PKDREJ: variants seen among roughly 807,000 people sequenced by gnomAD.
The protein encoded by PKDREJ is PKD and REJ homolog.
For missense variants in PKDREJ, 2,507 were observed against 2,807.2 expected, an observed-to-expected ratio of 0.89 and a Z score of 2.42; for synonymous variants, 1,031 against 1,095.5, an observed-to-expected ratio of 0.94 and a Z score of 1.16.
rs533680990 is a variant in PKDREJ, at chr22:46,256,455, A to G, written c.*106T>C. The G allele has an allele frequency of 2.5e-5, 37 of 1,505,430 alleles. 1 individual carries two copies. The South Asian group carries it at 4.8e-4, about 20-fold the overall frequency. The allele number at this position is 1,505,430 out of a possible 1,614,324, so 93.3% of individuals were successfully genotyped here. A position where few individuals can be genotyped will look rare whatever the true frequency, so the allele number is the denominator to read the frequency against. On this transcript the variant is annotated 3_prime_UTR_variant, in exon 1 of 1. Coordinates refer to ENST00000253255, the MANE Select transcript of PKDREJ (RefSeq NM_006071.2). This position sits in a 1 kb window ranked among gnomAD's most constrained non-coding sequence, Gnocchi z 5.3. ...GTAGGGGATGTGCCTTGTGAAGGAC[A>G]TGAGTAGAAAGCATGACTAGGCCAC...
In PKDREJ at chr22:46,261,905, G is replaced by T; in HGVS notation, c.1418C>A (p.Ser473Tyr). The change falls in exon 1 of 1, where the codon TCT becomes TAT. Residue 473 changes from serine to tyrosine, a missense_variant. Physicochemically the swap from Ser to Tyr is moderately radical, Grantham distance 144. Transcript: ENST00000253255. This position sits in a 1 kb window ranked among gnomAD's most constrained non-coding sequence, Gnocchi z 7.1. ...ATTTAGGAACAAAGAAAATCTATCA[G>T]AGACAATGAAGTTTCTCTCACAATT... ...IENCERNFIV[S>Y]DRFSLFLNCT... is the part of the protein sequence containing the mutation. 1 of 1,614,126 alleles carries T rather than the reference G, an allele frequency of 6.2e-7. No homozygotes were observed. Among genetic ancestry groups the T allele is most frequent in the Non-Finnish European group, 8.5e-7 (1 of 1,180,036 alleles).
In PKDREJ at chr22:46,261,123, G is replaced by T. The variant is rs201869858; in HGVS notation, c.2200C>A (p.Arg734=). The T allele has an allele frequency of 6.2e-7, 1 of 1,613,954 alleles. No homozygotes were observed. Among genetic ancestry groups the T allele is most frequent in the African/African-American group, 1.3e-5 (1 of 74,902 alleles). ...LPLRDDRVNL[R]KHLIDQSFLL... is the part of the protein sequence containing the mutation. ...AAAGACTGATCGATGAGGTGTTTTC[G>T]GAGATTGACTCTGTCATCTCGGAGA... Residue 734 remains arginine (R), a synonymous_variant, in exon 1 of 1, where the codon CGA becomes AGA. Coordinates refer to ENST00000253255, the MANE Select transcript of PKDREJ (RefSeq NM_006071.2). The surrounding 1 kb of genome is among the most constrained non-coding windows in gnomAD (Gnocchi z 7.1).
chr22:46,261,136 G>C lies in PKDREJ; in HGVS notation c.2187C>G (p.Asp729Glu). 5 of 1,613,756 alleles carry C rather than the reference G, an allele frequency of 3.1e-6. No homozygotes were observed. The highest frequency in any genetic ancestry group is 4.2e-6 in the Non-Finnish European group (5 of 1,179,664). ...TGAGGTGTTTTCGGAGATTGACTCT[G>C]TCATCTCGGAGAGGTAATTCAGTTT... ...NMKTELPLRD[D>E]RVNLRKHLID... The change falls in exon 1 of 1, where the codon GAC (aspartate) becomes GAG (glutamate). Residue 729 changes from aspartate (D) to glutamate (E), a missense_variant. By Grantham distance (45) the Asp-to-Glu change is conservative. Coordinates refer to ENST00000253255, the MANE Select transcript of PKDREJ (RefSeq NM_006071.2). This position sits in a 1 kb window ranked among gnomAD's most constrained non-coding sequence, Gnocchi z 7.1.
In PKDREJ at chr22:46,262,246, G is replaced by A. The variant is rs1402540915; in HGVS notation, c.1077C>T (p.Ser359=). The part of the protein sequence containing the change: ...NFTEQLILDG[S]TSSDPDADSP... ...TGTCCGCATCTGGGTCCGAGGACGT[G>A]GACCCGTCCAGAATCAGCTGCTCTG... The change falls in exon 1 of 1, where the codon TCC becomes TCT. Residue 359 remains serine, a synonymous_variant. Transcript: ENST00000253255. The surrounding 1 kb of genome is among the most constrained non-coding windows in gnomAD (Gnocchi z 8.1). The A allele has an allele frequency of 2.5e-6, 4 of 1,614,186 alleles. No homozygotes were observed. The Admixed American group carries it at 6.7e-5, about 27-fold the overall frequency.
At position 46,258,211 on chromosome 22, in the gene PKDREJ, C is replaced by T. The variant is rs574259894; in HGVS notation, c.5112G>A (p.Lys1704=). 7 of 1,614,130 alleles carry T rather than the reference C, an allele frequency of 4.3e-6. No individual in the cohort carries two copies. The highest frequency in any genetic ancestry group is 4.0e-5 in the African/African-American group (3 of 75,064). Reference sequence around the variant, plus strand: ...AACTCAGAAACAGGAGTGCTCTTCTCTTGATCCTCTTCTTTCTTTTGAATA... The same window carrying T: ...AACTCAGAAACAGGAGTGCTCTTCTTTTGATCCTCTTCTTTCTTTTGAATA... ...IRIFKRKKRI[K]RRALLFLSYI... is the part of the protein sequence containing the mutation. Residue 1704 remains lysine (K), a synonymous_variant, in exon 1 of 1, where the codon AAG becomes AAA. Transcript: ENST00000253255. The surrounding 1 kb of genome is among the most constrained non-coding windows in gnomAD (Gnocchi z 6.1).
Position 46,263,201 on chromosome 22 carries a change from A to G in PKDREJ, c.122T>C (p.Leu41Pro). Residue 41 changes from leucine (L) to proline (P), a missense_variant, in exon 1 of 1, where the codon CTC (leucine) becomes CCC (proline). Transcript: ENST00000253255. This position sits in a 1 kb window ranked among gnomAD's most constrained non-coding sequence, Gnocchi z 9.4. ...QAAVSGAPGG[L>P]LRGAPGLGVR... ...CCCGAGGCCCGGGGCGCCCCTGAGG[A>G]GGCCACCGGGCGCCCCGGAGACGGC... 6 of 1,333,236 alleles carry G rather than the reference A, an allele frequency of 4.5e-6. No homozygotes were observed. Among genetic ancestry groups the G allele is most frequent in the Admixed American group, 3.4e-5 (1 of 29,070 alleles). 82.6% of individuals were successfully genotyped at this position (1,333,236 alleles called of 1,614,324 possible).
At position 46,261,485 on chromosome 22, in the gene PKDREJ, T is replaced by C; in HGVS notation, c.1838A>G (p.Lys613Arg). 1 of 1,614,126 alleles carries C rather than the reference T, an allele frequency of 6.2e-7. No homozygotes were observed. Among genetic ancestry groups the C allele is most frequent in the Non-Finnish European group, 8.5e-7 (1 of 1,180,010 alleles). ...CAGGATGGTCCCCAGGGTGTTCTCT[T>C]TTACTGAACTGATTTCACCAACACT... ...LHSVGEISSV[K>R]ENTLGTILYL... The change falls in exon 1 of 1, where the codon AAA becomes AGA. Residue 613 changes from lysine to arginine, a missense_variant. Coordinates refer to ENST00000253255, the MANE Select transcript of PKDREJ (RefSeq NM_006071.2). The surrounding 1 kb of genome is among the most constrained non-coding windows in gnomAD (Gnocchi z 7.1).
In PKDREJ at chr22:46,258,183, T is replaced by C. The variant is rs1936654107; in HGVS notation, c.5140A>G (p.Ile1714Val). The stretch of plus-strand genomic sequence containing the variant: ...GCTAGAAAGATAAAGTGAGTTAGAA[T>C]GTAACTCAGAAACAGGAGTGCTCTT... ...KRRALLFLSY[I>V]LTHFIFLALL... is the part of the protein sequence containing the mutation. Residue 1714 changes from isoleucine to valine, a missense_variant, in exon 1 of 1, where the codon ATT (isoleucine) becomes GTT (valine). Transcript: ENST00000253255. The surrounding 1 kb of genome is among the most constrained non-coding windows in gnomAD (Gnocchi z 6.1). 1.2e-6 allele frequency: 2 copies of C among 1,614,240 alleles called. No homozygotes were observed. The highest frequency in any genetic ancestry group is 1.7e-6 in the Non-Finnish European group (2 of 1,180,030).
chr22:46,257,024 A>C lies in PKDREJ; in HGVS notation c.6299T>G (p.Phe2100Cys), dbSNP rs775651963. The C allele has an allele frequency of 1.2e-6, 2 of 1,614,020 alleles. No homozygotes were observed. Among genetic ancestry groups the C allele is most frequent in the Non-Finnish European group, 1.7e-6 (2 of 1,180,004 alleles). The change falls in exon 1 of 1, where the codon TTC (phenylalanine) becomes TGC (cysteine). Residue 2100 changes from phenylalanine (F) to cysteine (C), a missense_variant. Physicochemically the swap from Phe to Cys is radical, Grantham distance 205 (BLOSUM62 -2). Coordinates refer to ENST00000253255, the MANE Select transcript of PKDREJ (RefSeq NM_006071.2). The surrounding 1 kb of genome is among the most constrained non-coding windows in gnomAD (Gnocchi z 4.7). ...CHMAFVVSVY[F>C]FVYMAFGYLV... ...GTAACCAAAAGCCATGTATACGAAGAAATACACGGACACAACAAATGCCAT... is the reference window on the plus strand; with the variant it reads ...GTAACCAAAAGCCATGTATACGAAGCAATACACGGACACAACAAATGCCAT...
rs867033931 is a variant in PKDREJ at position 46,258,220 on chromosome 22, CTTCT to C, written c.5099_5102del (p.Lys1700ArgfsTer11). 2.5e-6 allele frequency: 4 copies of C among 1,614,086 alleles called. No individual in the cohort carries two copies. In the African/African-American group the frequency reaches 4.0e-5, roughly 16 times the overall value. ...ACAGGAGTGCTCTTCTCTTGATCCT[CTTCT>C]TTCTTTTGAATATTCTGATTTCATC... On this transcript the variant is annotated frameshift_variant, in exon 1 of 1. Transcript: ENST00000253255. LOFTEE classifies it low-confidence loss of function (END_TRUNC). The surrounding 1 kb of genome is among the most constrained non-coding windows in gnomAD (Gnocchi z 6.1).
At position 46,263,117 on chromosome 22, in the gene PKDREJ, G is replaced by A. The variant is rs563165955; in HGVS notation, c.206C>T (p.Ala69Val). The change falls in exon 1 of 1, where the codon GCT becomes GTT. Residue 69 changes from alanine to valine, a missense_variant. Ala to Val is a moderately conservative substitution (Grantham distance 64). Transcript: ENST00000253255. This position sits in a 1 kb window ranked among gnomAD's most constrained non-coding sequence, Gnocchi z 9.4. ...LRPSAVRAGG[A>V]VLSGRGSLCF... ...GAGGCTGCCGCGGCCGCTCAGGACA[G>A]CGCCGCCCGCCCGCACCGCGCTGGG... 6,283 of 1,244,252 alleles carry A rather than the reference G, an allele frequency of 5.0e-3. 272 individuals are homozygous for A. In the African/African-American group the frequency reaches 0.089, roughly 18 times the overall value. 77.1% of individuals were successfully genotyped at this position (1,244,252 alleles called of 1,614,324 possible). A position where few individuals can be genotyped will look rare whatever the true frequency, so the allele number is the denominator to read the frequency against.
Position 46,263,174 on chromosome 22 carries a change from A to G in PKDREJ, c.149T>C (p.Val50Ala). 3 of 1,264,592 alleles carry G rather than the reference A, an allele frequency of 2.4e-6. No homozygotes were observed. The highest frequency in any genetic ancestry group is 3.0e-6 in the Non-Finnish European group (3 of 1,009,170). The allele number at this position is 1,264,592 out of a possible 1,614,324, so 78.3% of individuals were successfully genotyped here. Residue 50 changes from valine (V) to alanine (A), a missense_variant, in exon 1 of 1, where the codon GTG becomes GCG. Coordinates refer to ENST00000253255, the MANE Select transcript of PKDREJ (RefSeq NM_006071.2). The surrounding 1 kb of genome is among the most constrained non-coding windows in gnomAD (Gnocchi z 9.4). The part of the protein sequence containing the change: ...GLLRGAPGLG[V>A]RGGRALLSLR... ...ACTGAGGAGGGCGCGGCCGCCGCGC[A>G]CCCCGAGGCCCGGGGCGCCCCTGAG...
rs1330340939 is a variant in PKDREJ, at chr22:46,262,432, C to A, written c.891G>T (p.Ser297=). The A allele has an allele frequency of 6.2e-7, 1 of 1,609,710 alleles. No individual in the cohort carries two copies. The highest frequency in any genetic ancestry group is 1.3e-5 in the African/African-American group (1 of 74,850). ...TAAACACATACACTCCCCACTGTAA[C>A]GAATTATTGGGGATGTGAATGAACA... The part of the protein sequence containing the change: ...SPLFIHIPNN[S]LQWGVYVFNF... Residue 297 remains serine (S), a synonymous_variant, in exon 1 of 1, where the codon TCG becomes TCT. Transcript: ENST00000253255. This position sits in a 1 kb window ranked among gnomAD's most constrained non-coding sequence, Gnocchi z 8.1.
At position 46,256,660 on chromosome 22, in the gene PKDREJ, A is replaced by G; in HGVS notation, c.6663T>C (p.Ile2221=). The change falls in exon 1 of 1, where the codon ATT becomes ATC. Residue 2221 remains isoleucine (I), a synonymous_variant. Transcript: ENST00000253255. This position sits in a 1 kb window ranked among gnomAD's most constrained non-coding sequence, Gnocchi z 5.3. ...TCTCTGGCTGCCCATACAGCATGTC[A>G]ATAAAGAACTCAGGCTCATCTTTGG... ...SKAKDEPEFF[I]DMLYGQPEKN... is the part of the protein sequence containing the mutation. 6.2e-7 allele frequency: 1 copy of G among 1,614,218 alleles called. No individual in the cohort carries two copies.
rs768949722 is a variant in PKDREJ, at chr22:46,258,823, A to G, written c.4500T>C (p.Pro1500=). The change falls in exon 1 of 1, where the codon CCT becomes CCC. Residue 1500 remains proline, a synonymous_variant. Transcript: ENST00000253255. The surrounding 1 kb of genome is among the most constrained non-coding windows in gnomAD (Gnocchi z 6.1). The stretch of plus-strand genomic sequence containing the variant: ...GAAGCCTGGGCTTTCCTTTAGATGC[A>G]GGTTTTGCAACCTCCCTGGGGTGCA... ...AKVHPREVAK[P]ASKGKPRLPK... is the part of the protein sequence containing the mutation. 9 of 1,614,026 alleles carry G rather than the reference A, an allele frequency of 5.6e-6. No homozygotes were observed. The East Asian group carries it at 2.0e-4, about 36-fold the overall frequency.
At position 46,258,692 on chromosome 22, in the gene PKDREJ, ATGT is replaced by A. The variant is rs760408342; in HGVS notation, c.4628_4630del (p.Asn1543del). 5 of 1,614,084 alleles carry A rather than the reference ATGT, an allele frequency of 3.1e-6. No individual in the cohort carries two copies. The South Asian group carries it at 5.5e-5, about 18-fold the overall frequency. On this transcript the variant is annotated inframe_deletion, in exon 1 of 1. Coordinates refer to ENST00000253255, the MANE Select transcript of PKDREJ (RefSeq NM_006071.2). This position sits in a 1 kb window ranked among gnomAD's most constrained non-coding sequence, Gnocchi z 6.1. Reference sequence around the variant, plus strand: ...GGAATGGACATCCTGATCATCTTCTATGTTGTTATTGGAATTTGTATTTGGCCC... The same window carrying A: ...GGAATGGACATCCTGATCATCTTCTATGTTATTGGAATTTGTATTTGGCCC...
chr22:46,258,120 C>T lies in PKDREJ; in HGVS notation c.5203G>A (p.Asp1735Asn). The T allele has an allele frequency of 1.9e-6, 3 of 1,613,886 alleles. No homozygotes were observed. The highest frequency in any genetic ancestry group is 2.5e-6 in the Non-Finnish European group (3 of 1,179,832). ...ATAAACTGGTTATAGTAAAAGCAGT[C>T]AGTGTGACGTAGTAAGACGATAAGG... ...LILIVLLRHT[D>N]CFYYNQFIRD... The change falls in exon 1 of 1, where the codon GAC (aspartate) becomes AAC (asparagine). Residue 1735 changes from aspartate (D) to asparagine (N), a missense_variant. Asp to Asn is a conservative substitution (Grantham distance 23). Coordinates refer to ENST00000253255, the MANE Select transcript of PKDREJ (RefSeq NM_006071.2). This position sits in a 1 kb window ranked among gnomAD's most constrained non-coding sequence, Gnocchi z 6.1.
rs763808418 is a variant in PKDREJ at position 46,261,681 on chromosome 22, T to A, written c.1642A>T (p.Thr548Ser). 1.9e-6 allele frequency: 3 copies of A among 1,613,908 alleles called. No homozygotes were observed. Among genetic ancestry groups the A allele is most frequent in the Non-Finnish European group, 2.5e-6 (3 of 1,179,970 alleles). The stretch of plus-strand genomic sequence containing the variant: ...ATAAAAGAATGCCTGAAGACCGAGG[T>A]CACTCCACTCCAACATGCTAGATAC... ...SLYLACWSGV[T>S]SVFRHSFIIN... Residue 548 changes from threonine to serine, a missense_variant, in exon 1 of 1, where the codon ACC becomes TCC. Coordinates refer to ENST00000253255, the MANE Select transcript of PKDREJ (RefSeq NM_006071.2). The surrounding 1 kb of genome is among the most constrained non-coding windows in gnomAD (Gnocchi z 7.1).
chr22:46,260,200 AC>A lies in PKDREJ; in HGVS notation c.3122del (p.Ser1041MetfsTer10). ...CTGTGCAGGCTGGGTCAAACAGGGC[AC>A]TCTGGCTGGCAAATGGAGGGATGTC... Reference protein sequence around the residue: ...PHDIPPFASQSALFDPACTVK... With the variant: ...PHDIPPFASQXALFDPACTVK... On this transcript the variant is annotated frameshift_variant, in exon 1 of 1. Transcript: ENST00000253255. LOFTEE classifies it low-confidence loss of function (END_TRUNC). This position sits in a 1 kb window ranked among gnomAD's most constrained non-coding sequence, Gnocchi z 4.5. 6.2e-7 allele frequency: 1 copy of A among 1,614,168 alleles called. No homozygotes were observed.
Sources: allele counts gnomAD v4.1 joint callset, GRCh38; gene constraint gnomAD v4.1.1; non-coding constraint Gnocchi (gnomAD v3.1); transcripts MANE v1.5; gene names NCBI Gene and HGNC (gene_info 2026-07-23, HGNC 2026-07-21).